AGBL4: variants seen among roughly 807,000 people sequenced by gnomAD.
AGBL4 encodes the protein cytosolic carboxypeptidase 6.
A neutral mutation model predicts 66.4 loss-of-function variants in AGBL4; 58 were observed. The observed-to-expected ratio is 0.87, with a 90% confidence interval of 0.71 to 1.09. The LOEUF is 1.09. Ranked by LOEUF, AGBL4 falls within the 50% of genes least tolerant of loss-of-function variation. The pLI is 0.00. For synonymous variants in AGBL4, 234 were observed against 222.9 expected, an observed-to-expected ratio of 1.05 and a Z score of -0.44; for missense variants, 579 against 631.0, an observed-to-expected ratio of 0.92 and a Z score of 0.88.
chr1:49,498,551 C>T (rs1647827948), intron 3 of AGBL4, among the ~76,000 whole-genome samples: 1 of 151,250 alleles, frequency 6.6e-6, no homozygotes, highest in South Asian at 2.1e-4. Flanking sequence ...TGTATATATA[C>T]TACAGAGTTG....
chr1:49,554,141 C>G (rs533943929), intron 3 of AGBL4, among the ~76,000 whole-genome samples: 16 of 152,178 alleles, frequency 1.1e-4, no homozygotes, highest in Admixed American at 9.2e-4. Flanking sequence ...TAGAAACACA[C>G]ACACACACAC....
chr1:49,738,274 C>CG (rs2124736914), intron 2 of AGBL4, among the ~76,000 whole-genome samples: 1 of 152,318 alleles, frequency 6.6e-6, no homozygotes, highest in East Asian at 1.9e-4. Flanking sequence ...GTGCCTGGAT[C>CG]GGGGGTCCTA....
At chr1:49,603,268 GT>G (rs1371382475) in intron 3 of AGBL4, among the ~76,000 whole-genome samples, 2 of 152,122 alleles carry the variant, frequency 1.3e-5, no homozygotes. Flanking sequence ...TGAAAAGCCT[GT>G]TCTGGTCTCT....
chr1:49,812,955 T>G (rs1015057728), intron 2 of AGBL4, among the ~76,000 whole-genome samples: 8 of 152,038 alleles, frequency 5.3e-5, no homozygotes, highest in African/African-American at 1.9e-4. Context: ...ATGAAAGATA[T>G]GGGAAAGAAG....
chr1:49,706,741 G>A (rs144321599), intron 2 of AGBL4, among the ~76,000 whole-genome samples: 2,599 of 152,174 alleles, frequency 0.017, 61 homozygotes, highest in African/African-American at 0.058. Context: ...ATGCTGGTAC[G>A]TTGTCTCTTT....
chr1:49,069,504 C>T (rs968300980), intron 4 of AGBL4, among the ~76,000 whole-genome samples: 4 of 151,878 alleles, frequency 2.6e-5, no homozygotes, highest in Non-Finnish European at 4.4e-5. Flanking sequence ...TTCCCCCTTG[C>T]TTGTTTTGTC....
intron 3 of AGBL4, among the ~76,000 whole-genome samples, chr1:49,649,339 G>A (rs191354573): frequency 5.1e-4 from 78 of 152,240 alleles, no homozygotes; most frequent in Middle Eastern, 6.8e-3. Context: ...TTCAGACAGA[G>A]CCAACTTTAG....
At chr1:49,870,199 A>G (rs1259684158) in intron 1 of AGBL4, among the ~76,000 whole-genome samples, 1 of 152,186 alleles carries the variant, frequency 6.6e-6, no homozygotes, top group Non-Finnish European at 1.5e-5. Context: ...TAATGAAAAC[A>G]CAATCTTTTG....
intron 3 of AGBL4, among the ~76,000 whole-genome samples, chr1:49,354,549 G>T (rs1029971223): frequency 1.3e-5 from 2 of 152,134 alleles, no homozygotes. Flanking sequence ...CTTTCTAAGA[G>T]ATCTTATCCA....
intron 3 of AGBL4, among the ~76,000 whole-genome samples, chr1:49,687,520 C>T (rs1222392882): frequency 2.0e-5 from 3 of 151,990 alleles, no homozygotes; most frequent in African/African-American, 7.2e-5. Context: ...GTCCGCAATC[C>T]CAGCACTTTA....
intron 3 of AGBL4, among the ~76,000 whole-genome samples, chr1:49,419,282 T>C (rs1028876274): frequency 5.9e-5 from 9 of 152,198 alleles, no homozygotes; most frequent in Non-Finnish European, 1.3e-4. Context: ...TAAAACAAGT[T>C]CTACCTTCAA....
At chr1:49,874,597 T>C (rs1031551012) in intron 1 of AGBL4, among the ~76,000 whole-genome samples, 2 of 152,144 alleles carry the variant, frequency 1.3e-5, no homozygotes, top group Admixed American at 6.6e-5. Context: ...CTATGACTCA[T>C]ATCCCTTAAA....
intron 3 of AGBL4, among the ~76,000 whole-genome samples, chr1:49,385,178 T>C (rs994689003): frequency 6.6e-6 from 1 of 152,142 alleles, no homozygotes; most frequent in Non-Finnish European, 1.5e-5. Context: ...TCAATGAGTA[T>C]AGAGCTGCGT....
At chr1:49,440,853 G>A (rs1291912255) in intron 3 of AGBL4, among the ~76,000 whole-genome samples, 4 of 152,138 alleles carry the variant, frequency 2.6e-5, no homozygotes, top group African/African-American at 7.2e-5. Context: ...ATGTGTGGGA[G>A]GACCCTGATG....
intron 3 of AGBL4, among the ~76,000 whole-genome samples, chr1:49,247,507 C>T (rs1651738184): frequency 1.3e-5 from 2 of 152,026 alleles, no homozygotes; most frequent in African/African-American, 2.4e-5. Context: ...CTCTCAGGGT[C>T]TTGGCTAGTA....
chr1:49,542,576 G>T (rs1652134124), intron 3 of AGBL4, among the ~76,000 whole-genome samples: 1 of 152,048 alleles, frequency 6.6e-6, no homozygotes, highest in South Asian at 2.1e-4. Flanking sequence ...GAACCCTCAA[G>T]AATCTAAAGC....
At chr1:48,786,883 G>A (rs1243175034) in intron 6 of AGBL4, among the ~76,000 whole-genome samples, 2 of 151,970 alleles carry the variant, frequency 1.3e-5, no homozygotes, top group Non-Finnish European at 1.5e-5. Flanking sequence ...CCAATACCCC[G>A]CAAAAGTGTT....
At chr1:49,452,870 G>A in intron 3 of AGBL4, among the ~76,000 whole-genome samples, 1 of 151,908 alleles carries the variant, frequency 6.6e-6, no homozygotes, top group East Asian at 1.9e-4. Flanking sequence ...GAGGCACTGT[G>A]CTGTGTGTGT....
intron 1 of AGBL4, among the ~76,000 whole-genome samples, chr1:49,977,030 T>C (rs933616509): frequency 6.6e-6 from 1 of 152,258 alleles, no homozygotes; most frequent in Non-Finnish European, 1.5e-5. Flanking sequence ...GTTACCTTTA[T>C]AATCTTAAAT....
Sources: allele counts gnomAD v4.1 joint callset (sites outside exome capture counted in the v4.1 genomes callset), GRCh38; gene constraint gnomAD v4.1.1; transcripts MANE v1.5; gene names NCBI Gene and HGNC (gene_info 2026-07-23, HGNC 2026-07-21).